ATP6V0D2: variants seen among roughly 807,000 people sequenced by gnomAD.
ATP6V0D2 encodes the protein ATPase H+ transporting V0 subunit d2, also known as V-type proton ATPase subunit d 2.
A neutral mutation model predicts 40.0 loss-of-function variants in ATP6V0D2; 40 were observed. The ratio of observed to expected loss-of-function variants is 1.00; its 90% CI spans 0.78 to 1.30. ATP6V0D2 has a LOEUF of 1.30. Ranked by LOEUF, ATP6V0D2 falls within the 50% of genes most tolerant of loss-of-function variation. The probability of loss-of-function intolerance (pLI) is 0.00; values close to 1 mark genes in which losing one functional copy is unlikely to be tolerated. For synonymous variants in ATP6V0D2, 179 were observed against 156.3 expected (o/e 1.15, Z -1.08); for missense variants, 470 against 423.1 (o/e 1.11, Z -0.97).
intron 1 of ATP6V0D2, among the ~76,000 whole-genome samples, chr8:86,099,713 T>G (rs1054043201): frequency 2.6e-5 from 4 of 152,138 alleles, no homozygotes; most frequent in Non-Finnish European, 5.9e-5. Flanking sequence ...AGGCTGGTCT[T>G]GAACTCCTGA....
chr8:86,128,417 T>C (rs965553853), intron 2 of ATP6V0D2, among the ~76,000 whole-genome samples: 1 of 152,140 alleles, frequency 6.6e-6, no homozygotes, highest in African/African-American at 2.4e-5. Flanking sequence ...AGCCAAATAT[T>C]AGTCACAATG....
chr8:86,149,846 T>C (rs1242993173), intron 5 of ATP6V0D2, among the ~76,000 whole-genome samples: 1 of 152,112 alleles, frequency 6.6e-6, no homozygotes, highest in Non-Finnish European at 1.5e-5. Context: ...GAGGAATTCA[T>C]TGCAGGGTGC....
At chr8:86,126,483 A>T (rs1174228759) in intron 2 of ATP6V0D2, among the ~76,000 whole-genome samples, 1 of 151,696 alleles carries the variant, frequency 6.6e-6, no homozygotes, top group Non-Finnish European at 1.5e-5. Flanking sequence ...AACATGTAAA[A>T]CGACTTACTC....
intron 1 of ATP6V0D2, among the ~76,000 whole-genome samples, chr8:86,099,794 G>C (rs1412609267): frequency 6.6e-6 from 1 of 152,142 alleles, no homozygotes; most frequent in Non-Finnish European, 1.5e-5. Flanking sequence ...ATGCCTGCCA[G>C]ATTCTTATAC....
intron 1 of ATP6V0D2, among the ~76,000 whole-genome samples, chr8:86,108,624 G>A (rs775646175): frequency 1.3e-5 from 2 of 152,024 alleles, no homozygotes; most frequent in Non-Finnish European, 2.9e-5. Context: ...TAGTAGAGAC[G>A]GGGTCTCCCT....
chr8:86,113,838 A>G lies in ATP6V0D2; in HGVS notation c.260A>G (p.Asn87Ser), dbSNP rs1287200120. The change falls in exon 2 of 8, where the codon AAT (asparagine) becomes AGT (serine). Residue 87 changes from asparagine (N) to serine (S), a missense_variant. Asn to Ser is a conservative substitution (Grantham distance 46, BLOSUM62 1). Transcript: ENST00000285393. ...RLCGEFEYFR[N>S]HSLEPLSTFL... ...TGTGGAGAATTTGAGTATTTCCGGA[A>G]TCATTCCCTGGAGCCCCTCAGCACA... 2.5e-6 allele frequency: 4 copies of G among 1,613,834 alleles called. No individual in the cohort carries two copies. Among genetic ancestry groups the G allele is most frequent in the Non-Finnish European group, 3.4e-6 (4 of 1,179,926 alleles).
intron 2 of ATP6V0D2, among the ~76,000 whole-genome samples, chr8:86,130,098 CA>C (rs1190032144): frequency 1.3e-5 from 2 of 152,034 alleles, no homozygotes; most frequent in African/African-American, 4.8e-5. Flanking sequence ...ATCAGGTCAC[CA>C]AAAGCTATTC....
Position 86,098,922 on chromosome 8 carries a change from G to C in ATP6V0D2, c.-57G>C. 3 of 1,568,986 alleles carry C rather than the reference G, an allele frequency of 1.9e-6. No individual in the cohort carries two copies. In the Admixed American group the frequency reaches 5.6e-5, roughly 29 times the overall value. ...TTCCCAGGCTAGTGCAAATCTTCAG[G>C]GGCCGTCCAGGACTACAGAGCTGTT... On this transcript the variant is annotated 5_prime_UTR_variant, in exon 1 of 8. Coordinates refer to ENST00000285393, the MANE Select transcript of ATP6V0D2 (RefSeq NM_152565.1).
chr8:86,146,264 A>G (rs1436476811), intron 5 of ATP6V0D2, among the ~76,000 whole-genome samples: 1 of 152,206 alleles, frequency 6.6e-6, no homozygotes, highest in African/African-American at 2.4e-5. Context: ...TAATGTAAAA[A>G]AAGGATAGTA....
chr8:86,151,452 T>C lies in ATP6V0D2; in HGVS notation c.817-14T>C, dbSNP rs770814393. On this transcript the variant is annotated splice_polypyrimidine_tract_variant and intron_variant, in intron 6 of 7. Transcript: ENST00000285393. The stretch of plus-strand genomic sequence containing the variant: ...AATGAAAATGTCTTTAAAATTAATG[T>C]CTTTGTTTTTAAGGTATACAAACCT... 5.8e-6 allele frequency: 9 copies of C among 1,542,624 alleles called. No homozygotes were observed. The South Asian group carries it at 8.5e-5, about 15-fold the overall frequency.
intron 2 of ATP6V0D2, among the ~76,000 whole-genome samples, chr8:86,118,935 G>A (rs141676945): frequency 6.6e-6 from 1 of 152,178 alleles, no homozygotes; most frequent in Non-Finnish European, 1.5e-5. Flanking sequence ...TCTAACGAGC[G>A]GTGGAGTCAT....
intron 1 of ATP6V0D2, among the ~76,000 whole-genome samples, chr8:86,107,634 T>C (rs1331838207): frequency 6.6e-6 from 1 of 152,198 alleles, no homozygotes; most frequent in Non-Finnish European, 1.5e-5. Context: ...TGCCTAAAAC[T>C]TTTCAGTGGC....
At chr8:86,145,450 A>G (rs1002148377) in intron 5 of ATP6V0D2, among the ~76,000 whole-genome samples, 1 of 152,020 alleles carries the variant, frequency 6.6e-6, no homozygotes, top group African/African-American at 2.4e-5. Context: ...CAAGCCTGAA[A>G]TTCTTAAAAT....
intron 1 of ATP6V0D2, 90 bp from the exon 2 acceptor site, chr8:86,113,619 C>A: frequency 8.5e-7 from 1 of 1,175,362 alleles, no homozygotes; most frequent in Non-Finnish European, 1.2e-6. Context: ...ATGTATGTAA[C>A]ACAAAATTAG....
chr8:86,104,493 C>T (rs1318592124), intron 1 of ATP6V0D2, among the ~76,000 whole-genome samples: 1 of 152,130 alleles, frequency 6.6e-6, no homozygotes, highest in East Asian at 1.9e-4. Flanking sequence ...CCAGGTGTGG[C>T]ATGGCACTCT....
In ATP6V0D2 at chr8:86,139,497, G is replaced by A. The variant is rs753979431; in HGVS notation, c.343G>A (p.Gly115Ser). The change falls in exon 3 of 8, where the codon GGT becomes AGT. Residue 115 changes from glycine to serine, a missense_variant. By Grantham distance (56) the Gly-to-Ser change is moderately conservative (BLOSUM62 0). Coordinates refer to ENST00000285393, the MANE Select transcript of ATP6V0D2 (RefSeq NM_152565.1). ...AGACAATGTGATTCTGCTGATGAAT[G>A]GTGCATTGCAGAAAAAATCTGTGAA... ...MIDNVILLMN[G>S]ALQKKSVKEI... 2.5e-6 allele frequency: 4 copies of A among 1,613,266 alleles called. No homozygotes were observed. The highest frequency in any genetic ancestry group is 3.4e-6 in the Non-Finnish European group (4 of 1,179,698).
chr8:86,119,942 C>T (rs1818647240), intron 2 of ATP6V0D2, among the ~76,000 whole-genome samples: 2 of 152,118 alleles, frequency 1.3e-5, no homozygotes, highest in Admixed American at 6.5e-5. Flanking sequence ...GTACTTTACA[C>T]GGAGCTAGAA....
At chr8:86,142,685 G>A (rs998083135) in intron 4 of ATP6V0D2, among the ~76,000 whole-genome samples, 192 bp from the exon 5 acceptor site, 2 of 152,140 alleles carry the variant, frequency 1.3e-5, no homozygotes, top group African/African-American at 4.8e-5. Flanking sequence ...TCCTTTTCTG[G>A]AATTCTTTTT....
At chr8:86,125,994 G>T (rs1200753924) in intron 2 of ATP6V0D2, among the ~76,000 whole-genome samples, 2 of 149,744 alleles carry the variant, frequency 1.3e-5, no homozygotes, top group African/African-American at 2.4e-5. Context: ...CTAGAGTGCA[G>T]GTGTGTGATC....
Sources: allele counts gnomAD v4.1 joint callset (sites outside exome capture counted in the v4.1 genomes callset), GRCh38; gene constraint gnomAD v4.1.1; transcripts MANE v1.5; gene names NCBI Gene and HGNC (gene_info 2026-07-23, HGNC 2026-07-21).